ITGB3: variants seen among roughly 807,000 people sequenced by gnomAD.
ITGB3 encodes integrin beta-3.
A neutral mutation model predicts 85.8 loss-of-function variants in ITGB3; 48 were observed. The observed-to-expected ratio is 0.56, with a 90% confidence interval of 0.44 to 0.71. The LOEUF is 0.71. Ranked by LOEUF, ITGB3 falls within the 30% of genes least tolerant of loss-of-function variation. The pLI is 0.00. For synonymous variants in ITGB3, 363 were observed against 395.6 expected (o/e 0.92, Z 0.98); for missense variants, 861 against 1,019.1 (o/e 0.84, Z 2.11).
chr17:47,291,240 A>G, intron 9 of ITGB3, 152 bp downstream of exon 9: 1 of 817,248 alleles, frequency 1.2e-6, no homozygotes, highest in Non-Finnish European at 2.0e-6. Context: ...TCTAAGTTAG[A>G]TGTAATGGAT....
Position 47,274,568 on chromosome 17 carries a change from C to T in ITGB3, c.165+64C>T, listed in dbSNP as rs1194542653. The T allele has an allele frequency of 2.9e-6, 4 of 1,396,700 alleles. No individual in the cohort carries two copies. The African/African-American group carries it at 4.2e-5, about 15-fold the overall frequency. The allele number at this position is 1,396,700 out of a possible 1,614,324, so 86.5% of individuals were successfully genotyped here. A position where few individuals can be genotyped will look rare whatever the true frequency, so the allele number is the denominator to read the frequency against. The stretch of plus-strand genomic sequence containing the variant: ...TAAGCTGCTTTTGTGCAGAAACAGA[C>T]CCATGAAGTTATCACCTCCCTCTTG... On this transcript the variant is annotated intron_variant, in intron 2 of 14. Transcript: ENST00000559488.
In ITGB3 at chr17:47,310,558, G is replaced by C. The variant is rs939883680; in HGVS notation, c.*354G>C. ...TCTTCATTACCTCAGTGAGAAGCCAGCTTTCCTCATCAGGCCATTGTCCCT... is the reference window on the plus strand; with the variant it reads ...TCTTCATTACCTCAGTGAGAAGCCACCTTTCCTCATCAGGCCATTGTCCCT... On this transcript the variant is annotated 3_prime_UTR_variant, in exon 15 of 15. Coordinates refer to ENST00000559488, the MANE Select transcript of ITGB3 (RefSeq NM_000212.3). 1 of 377,014 alleles carries C rather than the reference G, an allele frequency of 2.7e-6. No individual in the cohort carries two copies. The highest frequency in any genetic ancestry group is 5.1e-6 in the Non-Finnish European group (1 of 195,140). The allele number at this position is 377,014 out of a possible 1,614,324, so 23.4% of individuals were successfully genotyped here.
At position 47,312,866 on chromosome 17, in the gene ITGB3, G is replaced by A. The variant is rs1251262162; in HGVS notation, c.*2662G>A. ...TCTAGCTCTTTTGGAGAAAATTTATGTCCAGTCTCAGGATCTGTGGACAAT... is the reference window on the plus strand; with the variant it reads ...TCTAGCTCTTTTGGAGAAAATTTATATCCAGTCTCAGGATCTGTGGACAAT... On this transcript the variant is annotated 3_prime_UTR_variant, in exon 15 of 15. Transcript: ENST00000559488. Among the ~76,000 whole-genome samples, 1 of 152,186 alleles carries A rather than the reference G, an allele frequency of 6.6e-6. No homozygotes were observed. The highest frequency in any genetic ancestry group is 1.5e-5 in the Non-Finnish European group (1 of 68,034).
intron 2 of ITGB3, among the ~76,000 whole-genome samples, chr17:47,277,380 C>T (rs56327427): frequency 0.32 from 48,954 of 151,932 alleles, 8,246 homozygotes; most frequent in East Asian, 0.57. Flanking sequence ...TGAAGGGCCA[C>T]TGGGGTTGGG....
Position 47,299,679 on chromosome 17 carries a change from C to A in ITGB3, c.1913+149C>A. The A allele has an allele frequency of 1.2e-6, 1 of 819,536 alleles. No individual in the cohort carries two copies. Among genetic ancestry groups the A allele is most frequent in the Non-Finnish European group, 2.0e-6 (1 of 496,338 alleles). The allele number at this position is 819,536 out of a possible 1,614,324, so 50.8% of individuals were successfully genotyped here. ...AGCCAGATGGCTGTCTCTCCTTTTG[C>A]CAAAGGCTTTGGGCAAGTTGGAATA... On this transcript the variant is annotated intron_variant, in intron 11 of 14. Transcript: ENST00000559488. This position sits in a 1 kb window ranked among gnomAD's most constrained non-coding sequence, Gnocchi z 5.1.
chr17:47,310,061 T>G, intron 14 of ITGB3, 78 bp from the exon 15 acceptor site: 1 of 1,286,562 alleles, frequency 7.8e-7, no homozygotes, highest in South Asian at 1.2e-5. Flanking sequence ...GGAAAACTTC[T>G]GAGATGAATT....
intron 1 of ITGB3, among the ~76,000 whole-genome samples, chr17:47,272,255 T>C (rs1285119507): frequency 6.6e-6 from 1 of 151,642 alleles, no homozygotes; most frequent in Non-Finnish European, 1.5e-5. Flanking sequence ...AGGGTTTCAC[T>C]GTGTTAGCCA....
Position 47,313,595 on chromosome 17 carries a change from C to T in ITGB3, c.*3391C>T, listed in dbSNP as rs1018712151. On this transcript the variant is annotated 3_prime_UTR_variant, in exon 15 of 15. Transcript: ENST00000559488. ...CGATCTCCTGACCTCGTGATCCTCC[C>T]GCCTCGGCCTCCCAAAGTGCTGGGA... Among the ~76,000 whole-genome samples the T allele has an allele frequency of 1.8e-4, 28 of 151,412 alleles. No individual in the cohort carries two copies. The highest frequency in any genetic ancestry group is 6.3e-4 in the African/African-American group (26 of 41,244).
At chr17:47,258,954 T>C (rs1041944068) in intron 1 of ITGB3, among the ~76,000 whole-genome samples, 3 of 152,214 alleles carry the variant, frequency 2.0e-5, no homozygotes, top group African/African-American at 7.2e-5. Flanking sequence ...CTCTAAGACA[T>C]TGTCTGAGGC....
At chr17:47,266,773 G>A (rs998432543) in intron 1 of ITGB3, among the ~76,000 whole-genome samples, 7 of 151,936 alleles carry the variant, frequency 4.6e-5, no homozygotes, top group African/African-American at 1.5e-4. Flanking sequence ...TAGAGATGGG[G>A]GTCTCACTAT....
intron 2 of ITGB3, among the ~76,000 whole-genome samples, chr17:47,279,085 A>C (rs1344682642): frequency 6.6e-6 from 1 of 152,220 alleles, no homozygotes; most frequent in Non-Finnish European, 1.5e-5. Flanking sequence ...AATGACAACT[A>C]TTCATGTTGT....
chr17:47,256,822 T>C (rs1021144574), intron 1 of ITGB3, among the ~76,000 whole-genome samples: 14 of 152,242 alleles, frequency 9.2e-5, no homozygotes, highest in African/African-American at 2.4e-5. Context: ...TAAGCTGAGG[T>C]GCTTATTTCT....
chr17:47,260,113 A>G (rs1290190960), intron 1 of ITGB3, among the ~76,000 whole-genome samples: 1 of 152,096 alleles, frequency 6.6e-6, no homozygotes, highest in Non-Finnish European at 1.5e-5. Context: ...AACCCATGAT[A>G]TATAGTACTT....
intron 9 of ITGB3, chr17:47,291,432 T>C: frequency 2.0e-6 from 1 of 510,368 alleles, no homozygotes; most frequent in East Asian, 3.2e-5. Flanking sequence ...TCCAAGGTAA[T>C]TAATACCTTT....
chr17:47,297,895 A>AAG (rs1461171692), intron 10 of ITGB3, among the ~76,000 whole-genome samples: 1 of 151,390 alleles, frequency 6.6e-6, no homozygotes, highest in African/African-American at 2.4e-5. Flanking sequence ...AAAAAAAAAA[A>AAG]AAGCAAATAA....
intron 1 of ITGB3, among the ~76,000 whole-genome samples, chr17:47,261,756 G>A (rs1400258111): frequency 6.6e-6 from 1 of 152,178 alleles, no homozygotes; most frequent in African/African-American, 2.4e-5. Flanking sequence ...CTAACCACAG[G>A]TGATCCACCC....
intron 10 of ITGB3, among the ~76,000 whole-genome samples, chr17:47,293,761 C>T (rs116424142): frequency 3.3e-3 from 505 of 152,240 alleles, no homozygotes; most frequent in African/African-American, 0.012. Flanking sequence ...GCATGCGCCA[C>T]GATGCCCAGC....
At chr17:47,291,268 T>C in intron 9 of ITGB3, 180 bp downstream of exon 9, 4 of 688,242 alleles carry the variant, frequency 5.8e-6, no homozygotes, top group Middle Eastern at 4.0e-4. Flanking sequence ...TCTTTTCCTC[T>C]GAGGCTTCTG....
intron 2 of ITGB3, among the ~76,000 whole-genome samples, chr17:47,277,317 C>T (rs1274709074): frequency 6.6e-6 from 1 of 152,136 alleles, no homozygotes. Context: ...GATCCTGGGT[C>T]TGTTACATCA....
Sources: gnomAD v4.1 joint callset for allele counts (sites outside exome capture counted in the v4.1 genomes callset) on GRCh38, gnomAD v4.1.1 for gene constraint, Gnocchi (gnomAD v3.1) non-coding constraint, MANE v1.5 for transcripts, NCBI Gene and HGNC (gene_info 2026-07-23, HGNC 2026-07-21) for gene names.